RTL4: variants seen among roughly 807,000 people sequenced by gnomAD.
The protein encoded by RTL4 is retrotransposon Gag like 4.
RTL4 carries 4 observed loss-of-function variants against 5.3 expected under a neutral mutation model. That is an observed-to-expected ratio of 0.75 (90% confidence interval 0.37 to 1.72). The LOEUF (loss-of-function observed/expected upper bound fraction) is 1.72. Among genes scored for constraint, RTL4 ranks in the 40% most tolerant of loss-of-function variants. The probability of loss-of-function intolerance (pLI) is 0.04; values close to 1 mark genes in which losing one functional copy is unlikely to be tolerated. For synonymous variants in RTL4, 98 were observed against 87.3 expected, an observed-to-expected ratio of 1.12 and a Z score of -0.68; for missense variants, 260 against 227.1, an observed-to-expected ratio of 1.14 and a Z score of -0.93.
chrX:112,255,399 T>C, the RTL4 span, among the ~76,000 whole-genome samples: 1 of 112,166 alleles, frequency 8.9e-6, no homozygotes, highest in Admixed American at 9.5e-5. Flanking sequence ...GAGACTGTTG[T>C]AAATTGGATT....
At chrX:112,402,774 C>T in the RTL4 span, among the ~76,000 whole-genome samples, 2 of 110,655 alleles carry the variant, frequency 1.8e-5, no homozygotes, top group Non-Finnish European at 3.8e-5. Flanking sequence ...AGAGAGAAAG[C>T]GAAAGATGAC....
At chrX:112,134,500 T>G in the RTL4 span, among the ~76,000 whole-genome samples, 1 of 112,397 alleles carries the variant, frequency 8.9e-6, no homozygotes, top group African/African-American at 3.2e-5. Context: ...GTCCTATGAT[T>G]GTGATCCATC....
chrX:112,441,850 G>A, the RTL4 span, among the ~76,000 whole-genome samples: 1 of 112,070 alleles, frequency 8.9e-6, no homozygotes, highest in Admixed American at 9.5e-5. Context: ...AGCTTTATTT[G>A]TAATGGCCTC....
chrX:112,169,365 C>T, the RTL4 span, among the ~76,000 whole-genome samples: 3 of 110,381 alleles, frequency 2.7e-5, no homozygotes, highest in African/African-American at 9.9e-5. Flanking sequence ...CCACCCGCCT[C>T]GGCCTCCCAA....
At chrX:112,321,214 C>T in the RTL4 span, among the ~76,000 whole-genome samples, 1 of 111,755 alleles carries the variant, frequency 8.9e-6, no homozygotes. Flanking sequence ...TGAGGTTCCT[C>T]CCACCAATAT....
the RTL4 span, among the ~76,000 whole-genome samples, chrX:112,198,114 G>C: frequency 1.8e-5 from 2 of 111,685 alleles, no homozygotes; most frequent in Non-Finnish European, 3.8e-5. Context: ...GAGCACTAAA[G>C]AAATCTGAGG....
At chrX:112,086,119 T>C in the RTL4 span, among the ~76,000 whole-genome samples, 3 of 112,210 alleles carry the variant, frequency 2.7e-5, no homozygotes, top group Non-Finnish European at 3.8e-5. Flanking sequence ...TTTTCCCTCT[T>C]CTATTTCCTA....
the RTL4 span, among the ~76,000 whole-genome samples, chrX:112,408,176 T>G: frequency 9.0e-6 from 1 of 111,382 alleles, no homozygotes; most frequent in Admixed American, 9.6e-5. Flanking sequence ...GGACCAATTC[T>G]AAAAAGACAG....
the RTL4 span, among the ~76,000 whole-genome samples, chrX:112,243,606 G>T: frequency 3.6e-5 from 4 of 110,568 alleles, no homozygotes; most frequent in East Asian, 1.1e-3. Flanking sequence ...TATTAGTCTT[G>T]CTAATGGCCT....
the RTL4 span, among the ~76,000 whole-genome samples, chrX:112,109,068 C>T: frequency 9.0e-6 from 1 of 111,714 alleles, no homozygotes; most frequent in Non-Finnish European, 1.9e-5. Flanking sequence ...AAATGTATAA[C>T]TGTTCTTACT....
chrX:112,206,206 G>GA, the RTL4 span, among the ~76,000 whole-genome samples: 2 of 111,239 alleles, frequency 1.8e-5, no homozygotes, highest in South Asian at 3.8e-4. Flanking sequence ...AAACAATTGG[G>GA]AAAAAAGATG....
At chrX:112,165,455 A>G in the RTL4 span, among the ~76,000 whole-genome samples, 2 of 111,203 alleles carry the variant, frequency 1.8e-5, no homozygotes. Flanking sequence ...CTAGGCACAT[A>G]GTAGGTCCTT....
At chrX:112,390,106 A>AAT in the RTL4 span, among the ~76,000 whole-genome samples, 112 of 17,279 alleles carry the variant, frequency 6.5e-3, 6 homozygotes, top group Admixed American at 9.4e-3. Flanking sequence ...ATTTATATAT[A>AAT]ATATATATAT....
the RTL4 span, among the ~76,000 whole-genome samples, chrX:112,265,405 A>G: frequency 8.9e-6 from 1 of 111,815 alleles, no homozygotes; most frequent in East Asian, 2.8e-4. Flanking sequence ...GAGTCCCTGC[A>G]TAACCCAGAC....
At chrX:112,310,395 T>TAATATAGAAATATA in the RTL4 span, among the ~76,000 whole-genome samples, 1 of 15,871 alleles carries the variant, frequency 6.3e-5, no homozygotes, top group Non-Finnish European at 1.2e-4. Flanking sequence ...TATATATATA[T>TAATATAGAAATATA]ATATATATAT....
chrX:112,195,635 C>G, the RTL4 span, among the ~76,000 whole-genome samples: 1 of 111,254 alleles, frequency 9.0e-6, no homozygotes, highest in Non-Finnish European at 1.9e-5. Context: ...ACTGAGGTTG[C>G]TGCATGAGAT....
chrX:112,274,026 T>C, the RTL4 span, among the ~76,000 whole-genome samples: 9 of 112,000 alleles, frequency 8.0e-5, no homozygotes, highest in East Asian at 2.5e-3. Context: ...TACAGTATTA[T>C]CCCCATTTTA....
At chrX:112,412,924 CA>C in the RTL4 span, among the ~76,000 whole-genome samples, 1 of 109,334 alleles carries the variant, frequency 9.1e-6, no homozygotes, top group Non-Finnish European at 1.9e-5. Flanking sequence ...AGACAACCCA[CA>C]TAATAGGAGA....
chrX:112,407,841 A>T, the RTL4 span, among the ~76,000 whole-genome samples: 1 of 112,778 alleles, frequency 8.9e-6, no homozygotes, highest in Non-Finnish European at 1.9e-5. Context: ...GTGAGAGAAG[A>T]GAACAATAGT....
Sources: allele counts gnomAD v4.1 joint callset (sites outside exome capture counted in the v4.1 genomes callset), GRCh38; gene constraint gnomAD v4.1.1; transcripts MANE v1.5; gene names NCBI Gene and HGNC (gene_info 2026-07-23, HGNC 2026-07-21).